The following ATP8A2 variants were observed in gnomAD, a reference collection of about 807,000 sequenced individuals.
ATP8A2 encodes the protein ATPase phospholipid transporting 8A2, also known as phospholipid-transporting ATPase IB.
ATP8A2 carries 100 observed loss-of-function variants against 165.6 expected under a neutral mutation model. The observed-to-expected ratio is 0.60, with a 90% confidence interval of 0.51 to 0.71. The LOEUF (loss-of-function observed/expected upper bound fraction) is 0.71. ATP8A2 is among the 30% of genes least tolerant of loss of function. The probability of loss-of-function intolerance (pLI) is 0.00; values close to 1 mark genes in which losing one functional copy is unlikely to be tolerated. For synonymous variants in ATP8A2, 543 were observed against 548.8 expected (o/e 0.99, Z 0.15); for missense variants, 1,227 against 1,479.5 (o/e 0.83, Z 2.80).
chr13:25,925,566 T>C (rs1593570843), intron 33 of ATP8A2, among the ~76,000 whole-genome samples: 1 of 149,786 alleles, frequency 6.7e-6, no homozygotes, highest in Non-Finnish European at 1.5e-5. Flanking sequence ...TGTAGATGGG[T>C]CTCCTTCTTG....
intron 30 of ATP8A2, among the ~76,000 whole-genome samples, chr13:25,851,639 A>G (rs888698842): frequency 1.3e-5 from 2 of 152,050 alleles, no homozygotes; most frequent in Middle Eastern, 3.4e-3. Context: ...TTTAGAAAAC[A>G]TCCTTTAGAT....
At chr13:25,761,836 TG>T (rs1215705294) in intron 25 of ATP8A2, among the ~76,000 whole-genome samples, 1 of 151,856 alleles carries the variant, frequency 6.6e-6, no homozygotes, top group Non-Finnish European at 1.5e-5. Flanking sequence ...ATGCAGGGGC[TG>T]GGGGTGAGCT....
At chr13:25,876,700 A>G (rs1270873254) in intron 33 of ATP8A2, among the ~76,000 whole-genome samples, 1 of 152,258 alleles carries the variant, frequency 6.6e-6, no homozygotes, top group Non-Finnish European at 1.5e-5. Flanking sequence ...AGGGAATATC[A>G]ACATATGAAT....
intron 33 of ATP8A2, among the ~76,000 whole-genome samples, chr13:25,912,155 GACACACACACACACACACACACAC>G (rs3056187): frequency 3.5e-5 from 5 of 141,148 alleles, no homozygotes; most frequent in Non-Finnish European, 7.7e-5. Flanking sequence ...GAAAATGTGA[GACACACACACACACACACACACAC>G]ACACACACAC....
intron 33 of ATP8A2, among the ~76,000 whole-genome samples, chr13:25,884,106 C>G (rs1428160611): frequency 6.6e-6 from 1 of 152,122 alleles, no homozygotes; most frequent in Non-Finnish European, 1.5e-5. Flanking sequence ...CTCCCTTGTA[C>G]CGACATGGTG....
chr13:25,817,178 C>T (rs1458707630), intron 27 of ATP8A2, among the ~76,000 whole-genome samples: 3 of 152,098 alleles, frequency 2.0e-5, no homozygotes, highest in African/African-American at 7.2e-5. Context: ...ATTCAGTCCC[C>T]TAGCAAGCCA....
At chr13:25,553,611 C>T (rs958451763) in intron 11 of ATP8A2, among the ~76,000 whole-genome samples, 182 bp from the exon 12 acceptor site, 3 of 152,208 alleles carry the variant, frequency 2.0e-5, no homozygotes, top group Admixed American at 6.5e-5. Context: ...CTCTCTTTAG[C>T]GGATGCATCC....
At chr13:25,399,603 C>T (rs1214523501) in intron 1 of ATP8A2, among the ~76,000 whole-genome samples, 1 of 129,110 alleles carries the variant, frequency 7.7e-6, no homozygotes, top group East Asian at 2.3e-4. Flanking sequence ...GGGGTTTCAC[C>T]GTTTTAGCCG....
chr13:25,802,108 C>T (rs1417414280), intron 27 of ATP8A2, among the ~76,000 whole-genome samples: 3 of 152,120 alleles, frequency 2.0e-5, no homozygotes, highest in Admixed American at 6.6e-5. Flanking sequence ...TGGTAACCTA[C>T]GTTAGAGATT....
Position 25,480,938 on chromosome 13 carries a change from G to A in ATP8A2, c.221+11817G>A, listed in dbSNP as rs188859855. 2.5e-3 allele frequency among the ~76,000 whole-genome samples: 381 copies of A among 152,258 alleles called. 3 individuals carry two copies. The highest frequency in any genetic ancestry group is 9.0e-3 in the African/African-American group (372 of 41,542). ...GGAGGCCGAGGCTGGTGGATCACTC[G>A]CGGTTAGGAGCTGGAGACCAGCCCG... On this transcript the variant is annotated intron_variant, in intron 2 of 36. Transcript: ENST00000381655.
chr13:25,498,088 T>C (rs184129237), intron 2 of ATP8A2, among the ~76,000 whole-genome samples: 33 of 152,332 alleles, frequency 2.2e-4, no homozygotes, highest in Non-Finnish European at 3.7e-4. Context: ...GTGCTCCGGA[T>C]ATGAGTTGAA....
chr13:25,622,798 A>C (rs1440320533), intron 24 of ATP8A2, among the ~76,000 whole-genome samples: 1 of 152,144 alleles, frequency 6.6e-6, no homozygotes, highest in African/African-American at 2.4e-5. Flanking sequence ...AATATTCCAA[A>C]ATTCAGAAAA....
intron 1 of ATP8A2, among the ~76,000 whole-genome samples, chr13:25,466,128 CCTGTGACCTT>C (rs2035661615): frequency 6.6e-6 from 1 of 152,140 alleles, no homozygotes; most frequent in Non-Finnish European, 1.5e-5. Context: ...CCTGTGGCCT[CCTGTGACCTT>C]CAGGATGAAG....
rs763740950 is a variant in ATP8A2 at position 25,961,702 on chromosome 13, C to T, written c.3272+39C>T. On this transcript the variant is annotated intron_variant, in intron 34 of 36. Coordinates refer to ENST00000381655, the MANE Select transcript of ATP8A2 (RefSeq NM_016529.6). ...TGAAGCGGGGACCCTAAGTCTGGCT[C>T]ATCTGTCCCTGGAATTGTCTTTCTC... 1.4e-6 allele frequency: 2 copies of T among 1,449,122 alleles called. 1 individual carries two copies. The highest frequency in any genetic ancestry group is 3.5e-4 in the Middle Eastern group (2 of 5,706). 89.8% of individuals were successfully genotyped at this position (1,449,122 alleles called of 1,614,324 possible). A position where few individuals can be genotyped will look rare whatever the true frequency, so the allele number is the denominator to read the frequency against.
intron 16 of ATP8A2, among the ~76,000 whole-genome samples, chr13:25,569,124 C>T (rs956214197): frequency 2.0e-5 from 3 of 152,062 alleles, no homozygotes; most frequent in Admixed American, 2.0e-4. Flanking sequence ...TTGGAAAATT[C>T]TCAGGTACAG....
intron 24 of ATP8A2, among the ~76,000 whole-genome samples, chr13:25,619,994 T>C (rs535459709): frequency 6.6e-6 from 1 of 152,272 alleles, no homozygotes; most frequent in African/African-American, 2.4e-5. Flanking sequence ...AGTTGAGGCA[T>C]ACAGAGTAGA....
At chr13:25,808,422 A>T (rs1357984938) in intron 27 of ATP8A2, among the ~76,000 whole-genome samples, 1 of 151,876 alleles carries the variant, frequency 6.6e-6, no homozygotes, top group African/African-American at 2.4e-5. Context: ...AACGTGGTGA[A>T]ATCCCATCTC....
chr13:25,916,081 T>C (rs1192529703), intron 33 of ATP8A2, among the ~76,000 whole-genome samples: 1 of 152,244 alleles, frequency 6.6e-6, no homozygotes, highest in Non-Finnish European at 1.5e-5. Flanking sequence ...TTGGTTGGTT[T>C]TGAAAACATT....
chr13:25,534,399 A>G (rs184675565), intron 6 of ATP8A2, among the ~76,000 whole-genome samples: 7 of 152,302 alleles, frequency 4.6e-5, no homozygotes, highest in Non-Finnish European at 8.8e-5. Context: ...GCACTGGGAA[A>G]TTGCCCCTCT....
Sources: allele counts gnomAD v4.1 joint callset (sites outside exome capture counted in the v4.1 genomes callset), GRCh38; gene constraint gnomAD v4.1.1; transcripts MANE v1.5; gene names NCBI Gene and HGNC (gene_info 2026-07-23, HGNC 2026-07-21).